Variants in SEC24A observed in about 807,000 individuals in gnomAD.
The protein encoded by SEC24A is SEC24 homolog A, COPII component, also known as protein transport protein Sec24A.
Under a neutral mutation model 129.4 loss-of-function variants are expected in SEC24A, and 93 were observed. That is an observed-to-expected ratio of 0.72 (90% CI 0.61 to 0.85). The LOEUF is 0.85. Among genes scored for constraint, SEC24A ranks in the 40% least tolerant of loss-of-function variants. The pLI, the probability that SEC24A is intolerant of heterozygous loss-of-function variation, is 0.00. For synonymous variants in SEC24A, 460 were observed against 467.3 expected (o/e 0.98, Z 0.20); for missense variants, 1,264 against 1,307.4 (o/e 0.97, Z 0.51).
rs1233870239 is a variant in SEC24A, at chr5:134,675,121, A to G, written c.1055A>G (p.Asn352Ser). 24 of 1,613,602 alleles carry G rather than the reference A, an allele frequency of 1.5e-5. No individual in the cohort carries two copies. Among genetic ancestry groups the G allele is most frequent in the East Asian group, 2.2e-5 (1 of 44,868 alleles). The change falls in exon 6 of 23, where the codon AAT becomes AGT. Residue 352 changes from asparagine to serine, a missense_variant. By Grantham distance (46) the Asn-to-Ser change is conservative. Coordinates refer to ENST00000398844, the MANE Select transcript of SEC24A (RefSeq NM_021982.3). ...CAACCAGAGGGTCTAAGAGTTGTCA[A>G]TCTTCTTCAAGAAAGAAACATGCTT... ...SLQPEGLRVV[N>S]LLQERNMLPS... is the part of the protein sequence containing the mutation.
At chr5:134,693,070 T>C in intron 12 of SEC24A, 1 of 1,536,030 alleles carries the variant, frequency 6.5e-7, no homozygotes, top group East Asian at 2.4e-5. Flanking sequence ...TCTTATTACC[T>C]GCCTGGAAAT....
At chr5:134,651,934 CTT>C (rs11294954) in intron 1 of SEC24A, among the ~76,000 whole-genome samples, 80 of 135,102 alleles carry the variant, frequency 5.9e-4, no homozygotes, top group Middle Eastern at 3.8e-3. Context: ...GTTGAAAACT[CTT>C]TTTTTTTTTT....
In SEC24A at chr5:134,648,807, C is replaced by T. The variant is rs1369465661; in HGVS notation, c.-270C>T. ...GGCACTTCCGGCCAGGGCCTCCCTCCTTCTCTCTAGGTTTGGCTGCCGCCT... is the reference window on the plus strand; with the variant it reads ...GGCACTTCCGGCCAGGGCCTCCCTCTTTCTCTCTAGGTTTGGCTGCCGCCT... On this transcript the variant is annotated 5_prime_UTR_variant, in exon 1 of 23. Transcript: ENST00000398844. The T allele has an allele frequency of 9.6e-6, 3 of 311,064 alleles. No homozygotes were observed. The highest frequency in any genetic ancestry group is 4.3e-5 in the African/African-American group (2 of 46,064). The allele number at this position is 311,064 out of a possible 1,614,324, so 19.3% of individuals were successfully genotyped here.
At position 134,648,954 on chromosome 5, in the gene SEC24A, CCT is replaced by C. The variant is rs1266591801; in HGVS notation, c.-120_-119del. The C allele has an allele frequency of 2.3e-4, 151 of 645,968 alleles. No homozygotes were observed. The highest frequency in any genetic ancestry group is 6.8e-4 in the South Asian group (33 of 48,448). 40.0% of individuals were successfully genotyped at this position (645,968 alleles called of 1,614,324 possible). A position where few individuals can be genotyped will look rare whatever the true frequency, so the allele number is the denominator to read the frequency against. ...ATGCCTCGGGCTTAATGCGCCCCCC[CCT>C]CTTCTCCCAGTCTTCAGTCTTAAGT... On this transcript the variant is annotated 5_prime_UTR_variant, in exon 1 of 23. An upstream open reading frame in the 5' UTR loses its in-frame stop. Transcript: ENST00000398844.
Position 134,679,587 on chromosome 5 carries a change from T to G in SEC24A, c.1255-15T>G, listed in dbSNP as rs1751189557. ...TTTTGCCTTTAAAAATTTAATTCTG[T>G]TTTTTTTTTTCCAGCAATTGCCTGT... On this transcript the variant is annotated splice_polypyrimidine_tract_variant and intron_variant, in intron 7 of 22. Coordinates refer to ENST00000398844, the MANE Select transcript of SEC24A (RefSeq NM_021982.3). 5 of 1,088,352 alleles carry G rather than the reference T, an allele frequency of 4.6e-6. No individual in the cohort carries two copies. Among genetic ancestry groups the G allele is most frequent in the South Asian group, 3.6e-5 (2 of 55,634 alleles). The allele number at this position is 1,088,352 out of a possible 1,614,324, so 67.4% of individuals were successfully genotyped here.
intron 7 of SEC24A, among the ~76,000 whole-genome samples, chr5:134,678,912 ACTTT>A (rs1272866094): frequency 6.6e-6 from 1 of 151,808 alleles, no homozygotes; most frequent in Non-Finnish European, 1.5e-5. Flanking sequence ...ACAGGGTCTT[ACTTT>A]CTTGCCCAGG....
intron 13 of SEC24A, among the ~76,000 whole-genome samples, chr5:134,696,688 C>T (rs964364142): frequency 5.9e-5 from 9 of 151,904 alleles, no homozygotes; most frequent in Admixed American, 3.9e-4. Flanking sequence ...TTAGTAGAGA[C>T]GGGGTTTCAC....
chr5:134,686,850 G>A lies in SEC24A; in HGVS notation c.1552G>A (p.Glu518Lys), dbSNP rs200409503. The change falls in exon 10 of 23, where the codon GAA (glutamate) becomes AAA (lysine). Residue 518 changes from glutamate to lysine, a missense_variant. By Grantham distance (56) the Glu-to-Lys change is moderately conservative. Transcript: ENST00000398844. Reference protein sequence around the residue: ...FVFDVSHNAVETGYLNSVCQS... With the variant: ...FVFDVSHNAVKTGYLNSVCQS... ...ATTTGATGTGTCTCACAATGCAGTC[G>A]AAACTGGATACTTGAATTCAGTTTG... 80 of 1,611,008 alleles carry A rather than the reference G, an allele frequency of 5.0e-5. No homozygotes were observed. Among genetic ancestry groups the A allele is most frequent in the Non-Finnish European group, 5.6e-5 (66 of 1,178,684 alleles).
Position 134,654,722 on chromosome 5 carries a change from T to C in SEC24A, c.97+5549T>C, listed in dbSNP as rs373951951. On this transcript the variant is annotated intron_variant, in intron 1 of 22. Coordinates refer to ENST00000398844, the MANE Select transcript of SEC24A (RefSeq NM_021982.3). ...TAGAAACTGCAGTTTTGTTTTGTTT[T>C]GTTTTGGTTTTTCAGAAATGGTCTC... Among the ~76,000 whole-genome samples the C allele has an allele frequency of 4.2e-4, 64 of 152,098 alleles. No individual in the cohort carries two copies. The East Asian group carries it at 0.01, about 24-fold the overall frequency.
intron 2 of SEC24A, among the ~76,000 whole-genome samples, chr5:134,664,456 G>GA (rs1316699058): frequency 1.3e-5 from 2 of 151,960 alleles, no homozygotes; most frequent in Non-Finnish European, 2.9e-5. Flanking sequence ...TCTTCAACTT[G>GA]AAAAAATGTT....
chr5:134,674,381 A>G (rs1561810265), intron 4 of SEC24A, among the ~76,000 whole-genome samples: 1 of 152,066 alleles, frequency 6.6e-6, no homozygotes, highest in East Asian at 1.9e-4. Context: ...CAAAACATAC[A>G]AAAACATTAG....
intron 1 of SEC24A, among the ~76,000 whole-genome samples, chr5:134,653,605 C>A (rs1225150203): frequency 6.6e-6 from 1 of 152,112 alleles, no homozygotes; most frequent in African/African-American, 2.4e-5. Flanking sequence ...TGGCTCACAC[C>A]TGTAATGTCA....
chr5:134,683,467 G>A (rs892512842), intron 9 of SEC24A, among the ~76,000 whole-genome samples: 1 of 152,040 alleles, frequency 6.6e-6, no homozygotes, highest in African/African-American at 2.4e-5. Context: ...GAGAATATCT[G>A]AGGTCTTGCA....
Position 134,705,386 on chromosome 5 carries a change from G to C in SEC24A, c.2500G>C (p.Val834Leu). 1 of 1,613,406 alleles carries C rather than the reference G, an allele frequency of 6.2e-7. No homozygotes were observed. The highest frequency in any genetic ancestry group is 1.1e-5 in the South Asian group (1 of 90,948). Residue 834 changes from valine to leucine, a missense_variant, in exon 17 of 23, where the codon GTC becomes CTC. By Grantham distance (32) the Val-to-Leu change is conservative (BLOSUM62 1). Transcript: ENST00000398844. ...CLPVVSTLND[V>L]FLGADVQAIS... ...GCCAGTAGTTTCGACTCTGAATGAT[G>C]TCTTTCTTGGAGCTGATGTTCAAGC...
intron 9 of SEC24A, 80 bp from the exon 10 acceptor site, chr5:134,686,710 G>GT: frequency 1.4e-6 from 1 of 700,642 alleles, no homozygotes; most frequent in South Asian, 2.0e-5. Context: ...TTTTTAAATT[G>GT]TTTTGCTGTA....
At chr5:134,660,116 C>A (rs1012233076) in intron 1 of SEC24A, among the ~76,000 whole-genome samples, 6 of 149,262 alleles carry the variant, frequency 4.0e-5, no homozygotes, top group African/African-American at 1.5e-4. Context: ...AATCCTAGCG[C>A]TTATAGAGGC....
chr5:134,664,867 C>T (rs563240373), intron 2 of SEC24A, among the ~76,000 whole-genome samples: 2 of 132,240 alleles, frequency 1.5e-5, no homozygotes, highest in Non-Finnish European at 3.1e-5. Context: ...GGCGCAATCT[C>T]GGCTCACTGC....
At position 134,672,885 on chromosome 5, in the gene SEC24A, G is replaced by A. The variant is rs901601478; in HGVS notation, c.817+999G>A. 3.3e-5 allele frequency among the ~76,000 whole-genome samples: 5 copies of A among 151,556 alleles called. No homozygotes were observed. The East Asian group carries it at 9.7e-4, about 29-fold the overall frequency. On this transcript the variant is annotated intron_variant, in intron 4 of 22. Transcript: ENST00000398844. ...TGAGTAGCAGGGACTATAGGCATAT[G>A]GTACCATGCCAGGCTAGTTTTTTTA...
chr5:134,675,956 CTTTG>C, intron 6 of SEC24A, 63 bp from the exon 7 acceptor site: 1 of 1,115,326 alleles, frequency 9.0e-7, no homozygotes. Context: ...CCTTTTAAAT[CTTTG>C]TTGTTGTTTT....
Sources: gnomAD v4.1 joint callset for allele counts (sites outside exome capture counted in the v4.1 genomes callset) on GRCh38, gnomAD v4.1.1 for gene constraint, MANE v1.5 for transcripts, NCBI Gene and HGNC (gene_info 2026-07-23, HGNC 2026-07-21) for gene names.